CHMP2B: variants seen among roughly 807,000 people sequenced by gnomAD.
CHMP2B encodes VPS2 homolog B.
Under a neutral mutation model 29.8 loss-of-function variants are expected in CHMP2B, and 22 were observed. That is an observed-to-expected ratio of 0.74 (90% confidence interval 0.53 to 1.05). The LOEUF is 1.05. Among genes scored for constraint, CHMP2B ranks in the 50% least tolerant of loss-of-function variants. The pLI, the probability that CHMP2B is intolerant of heterozygous loss-of-function variation, is 0.00. For missense variants in CHMP2B, 261 were observed against 252.2 expected (o/e 1.03, Z -0.24); for synonymous variants, 78 against 75.8 (o/e 1.03, Z -0.15).
At chr3:87,240,408 T>A (rs867540977) in intron 1 of CHMP2B, 30 of 292,002 alleles carry the variant, frequency 1.0e-4, no homozygotes, top group African/African-American at 6.5e-4. Context: ...CCTCCCAGAT[T>A]CAAGCGATTC....
intron 1 of CHMP2B, among the ~76,000 whole-genome samples, chr3:87,236,659 C>G (rs1358240872): frequency 6.6e-6 from 1 of 152,006 alleles, no homozygotes; most frequent in African/African-American, 2.4e-5. Context: ...CGAGATCAGC[C>G]TGGCCAACAT....
At chr3:87,244,023 GTTTTTTT>G (rs747217550) in intron 2 of CHMP2B, among the ~76,000 whole-genome samples, 5,405 of 127,354 alleles carry the variant, frequency 0.042, 164 homozygotes, top group Admixed American at 0.1. Context: ...TTTGTTTTTT[GTTTTTTT>G]TTTTTTGTTT....
chr3:87,227,442 G>A lies in CHMP2B; in HGVS notation c.-81G>A. 8.3e-6 allele frequency: 13 copies of A among 1,564,124 alleles called. No homozygotes were observed. The highest frequency in any genetic ancestry group is 1.1e-5 in the Non-Finnish European group (13 of 1,134,762). ...GCTCCGCCACCCCGAACCCGCCAAG[G>A]TCCTGTCCTTTTCCTCCTGTCCTTT... is the stretch of plus-strand genomic sequence containing the variant. On this transcript the variant is annotated 5_prime_UTR_variant, in exon 1 of 6. Coordinates refer to ENST00000263780, the MANE Select transcript of CHMP2B (RefSeq NM_014043.4).
chr3:87,227,625 C>T (rs1364497147), intron 1 of CHMP2B, 69 bp downstream of exon 1: 3 of 1,590,678 alleles, frequency 1.9e-6, no homozygotes, highest in Non-Finnish European at 2.6e-6. Context: ...GCCTGCTGGC[C>T]GCGATTCTGC....
chr3:87,237,002 A>G (rs1193785762), intron 1 of CHMP2B, among the ~76,000 whole-genome samples: 4 of 152,212 alleles, frequency 2.6e-5, no homozygotes, highest in Non-Finnish European at 4.4e-5. Context: ...CACATTTTCT[A>G]TGGAAACAGT....
At chr3:87,245,423 T>C (rs1389156246) in intron 2 of CHMP2B, among the ~76,000 whole-genome samples, 1 of 151,906 alleles carries the variant, frequency 6.6e-6, no homozygotes, top group East Asian at 1.9e-4. Flanking sequence ...TTCTTTTGGA[T>C]AGTCTTTTTT....
intron 2 of CHMP2B, among the ~76,000 whole-genome samples, chr3:87,243,393 T>C (rs1002611453): frequency 6.6e-6 from 1 of 152,054 alleles, no homozygotes; most frequent in Non-Finnish European, 1.5e-5. Context: ...TGGGTTTTTT[T>C]TGTTTGTTTG....
chr3:87,251,468 A>G (rs1358512913), intron 4 of CHMP2B, among the ~76,000 whole-genome samples: 2 of 152,014 alleles, frequency 1.3e-5, no homozygotes, highest in Admixed American at 6.6e-5. Context: ...TCAGATATCT[A>G]TAATACCTAC....
At position 87,253,946 on chromosome 3, in the gene CHMP2B, C is replaced by T; in HGVS notation, c.*124C>T. 1.5e-6 allele frequency: 1 copy of T among 665,824 alleles called. No individual in the cohort carries two copies. Among genetic ancestry groups the T allele is most frequent in the Non-Finnish European group, 2.6e-6 (1 of 383,852 alleles). The allele number at this position is 665,824 out of a possible 1,614,324, so 41.2% of individuals were successfully genotyped here. A position where few individuals can be genotyped will look rare whatever the true frequency, so the allele number is the denominator to read the frequency against. On this transcript the variant is annotated 3_prime_UTR_variant, in exon 6 of 6. Coordinates refer to ENST00000263780, the MANE Select transcript of CHMP2B (RefSeq NM_014043.4). ...AAAAAAAATGAAGACCATGAGTGAA[C>T]AGTTGTTTCCTAACCCATGGCTATT...
At chr3:87,227,580 G>C (rs771264230) in intron 1 of CHMP2B, 24 bp downstream of exon 1, 1 of 1,614,106 alleles carries the variant, frequency 6.2e-7, no homozygotes, top group South Asian at 1.1e-5. Context: ...CGGGCTGAAG[G>C]GGCCCAGCTC....
chr3:87,233,212 A>T (rs1284340800), intron 1 of CHMP2B, among the ~76,000 whole-genome samples: 1 of 152,116 alleles, frequency 6.6e-6, no homozygotes, highest in African/African-American at 2.4e-5. Flanking sequence ...TTTACCGTGT[A>T]TTAGAACTGA....
intron 3 of CHMP2B, among the ~76,000 whole-genome samples, chr3:87,247,710 CTG>C (rs1478105987): frequency 1.3e-5 from 2 of 152,124 alleles, no homozygotes; most frequent in African/African-American, 4.8e-5. Flanking sequence ...GGAGTATTAA[CTG>C]TAATTGCATT....
intron 3 of CHMP2B, among the ~76,000 whole-genome samples, chr3:87,247,595 T>C (rs529480641): frequency 3.3e-5 from 5 of 152,314 alleles, no homozygotes; most frequent in Admixed American, 6.5e-5. Context: ...TTTTGCTGCT[T>C]TGTAAATGTC....
intron 1 of CHMP2B, 74 bp downstream of exon 1, chr3:87,227,630 T>G (rs1222321085): frequency 6.3e-7 from 1 of 1,576,294 alleles, no homozygotes; most frequent in African/African-American, 1.3e-5. Flanking sequence ...CTGGCCGCGA[T>G]TCTGCCTACT....
At chr3:87,245,533 A>G (rs1019038800) in intron 2 of CHMP2B, among the ~76,000 whole-genome samples, 181 bp from the exon 3 acceptor site, 1 of 151,770 alleles carries the variant, frequency 6.6e-6, no homozygotes, top group African/African-American at 2.4e-5. Context: ...CCATGTAAAC[A>G]TGTAGACTAA....
chr3:87,227,364 A>G lies in CHMP2B; in HGVS notation c.-159A>G. Reference sequence around the variant, plus strand: ...ACGCGGCTGCGGTAGCTGCGGATACAAGCCTTCCGCGGGTCCTGCCTGGCG... The same window carrying G: ...ACGCGGCTGCGGTAGCTGCGGATACGAGCCTTCCGCGGGTCCTGCCTGGCG... On this transcript the variant is annotated 5_prime_UTR_variant, in exon 1 of 6. Coordinates refer to ENST00000263780, the MANE Select transcript of CHMP2B (RefSeq NM_014043.4). 2.7e-6 allele frequency: 2 copies of G among 737,624 alleles called. No homozygotes were observed. Among genetic ancestry groups the G allele is most frequent in the South Asian group, 3.0e-5 (2 of 65,722 alleles). 45.7% of individuals were successfully genotyped at this position (737,624 alleles called of 1,614,324 possible).
At chr3:87,238,120 A>G (rs1706047504) in intron 1 of CHMP2B, among the ~76,000 whole-genome samples, 1 of 152,238 alleles carries the variant, frequency 6.6e-6, no homozygotes, top group Non-Finnish European at 1.5e-5. Flanking sequence ...TAGTTTTATC[A>G]ATATGACTGT....
At chr3:87,231,076 A>T (rs1362929230) in intron 1 of CHMP2B, among the ~76,000 whole-genome samples, 1 of 151,888 alleles carries the variant, frequency 6.6e-6, no homozygotes, top group African/African-American at 2.4e-5. Context: ...CCACTGTTCT[A>T]ACTGCATTCT....
At chr3:87,237,516 C>T (rs899712768) in intron 1 of CHMP2B, among the ~76,000 whole-genome samples, 1 of 152,166 alleles carries the variant, frequency 6.6e-6, no homozygotes, top group Non-Finnish European at 1.5e-5. Context: ...ATTGTTTAAG[C>T]CATCTACTTT....
Sources: gnomAD v4.1 joint callset for allele counts (sites outside exome capture counted in the v4.1 genomes callset) on GRCh38, gnomAD v4.1.1 for gene constraint, MANE v1.5 for transcripts, NCBI Gene and HGNC (gene_info 2026-07-23, HGNC 2026-07-21) for gene names.